ASPG: variants seen among roughly 807,000 people sequenced by gnomAD.
The protein encoded by ASPG is 60 kDa lysophospholipase.
Under a neutral mutation model 63.2 loss-of-function variants are expected in ASPG, and 53 were observed. That is an observed-to-expected ratio of 0.84 (90% confidence interval 0.67 to 1.05). The LOEUF is 1.05. Ranked by LOEUF, ASPG falls within the 50% of genes least tolerant of loss-of-function variation. The pLI, the probability that ASPG is intolerant of heterozygous loss-of-function variation, is 0.00. For synonymous variants in ASPG, 370 were observed against 355.0 expected (o/e 1.04, Z -0.48); for missense variants, 741 against 794.4 (o/e 0.93, Z 0.81).
intron 3 of ASPG, 63 bp from the exon 4 acceptor site, chr14:104,095,467 CT>C (rs1490480996): frequency 3.0e-5 from 48 of 1,603,366 alleles, no homozygotes; most frequent in Middle Eastern, 1.7e-4. Flanking sequence ...TTCCCCCATG[CT>C]GCAACCTCCC....
At chr14:104,099,672 T>C (rs1478985422) in intron 6 of ASPG, among the ~76,000 whole-genome samples, 1 of 152,226 alleles carries the variant, frequency 6.6e-6, no homozygotes, top group Non-Finnish European at 1.5e-5. Context: ...ACGGCCAGCA[T>C]GGCCAGTCCT....
chr14:104,095,732 C>T (rs950878831), intron 4 of ASPG, 76 bp downstream of exon 4: 77 of 1,577,054 alleles, frequency 4.9e-5, no homozygotes, highest in South Asian at 4.3e-4. Flanking sequence ...TGTGGGCGGC[C>T]GCTGCGGGAC....
chr14:104,105,216 G>A (rs2037068841), intron 9 of ASPG, 112 bp from the exon 10 acceptor site: 1 of 1,544,854 alleles, frequency 6.5e-7, no homozygotes. Context: ...CACGGCCGAG[G>A]CTCAGGCCAA....
At position 104,115,227 on chromosome 14, in the gene ASPG, G is replaced by C. The variant is rs1482503907; in HGVS notation, c.*2683G>C. 6.6e-6 allele frequency: 1 copy of C among 152,222 alleles called. No individual in the cohort carries two copies. Among genetic ancestry groups the C allele is most frequent in the African/African-American group, 2.4e-5 (1 of 41,454 alleles). 9.4% of individuals were successfully genotyped at this position (152,222 alleles called of 1,614,324 possible). Reference sequence around the variant, plus strand: ...GTAACCAGATTTCTCGTGTATGCTAGGAAGTTCCCCTTCTGGTCACACCTC... The same window carrying C: ...GTAACCAGATTTCTCGTGTATGCTACGAAGTTCCCCTTCTGGTCACACCTC... On this transcript the variant is annotated 3_prime_UTR_variant, in exon 16 of 16. Coordinates refer to ENST00000551177, the MANE Select transcript of ASPG (RefSeq NM_001080464.3).
chr14:104,107,387 G>C, intron 12 of ASPG, 42 bp downstream of exon 12: 1 of 1,373,900 alleles, frequency 7.3e-7, no homozygotes, highest in Non-Finnish European at 9.5e-7. Flanking sequence ...TGGACAGGTG[G>C]GCGCAGAGAG....
chr14:104,103,892 G>A (rs1455113871), intron 7 of ASPG, among the ~76,000 whole-genome samples: 2 of 152,344 alleles, frequency 1.3e-5, no homozygotes, highest in East Asian at 1.9e-4. Context: ...GTTGGGGCGC[G>A]GCTCACAGCC....
intron 6 of ASPG, among the ~76,000 whole-genome samples, chr14:104,101,872 G>C (rs2036893094): frequency 6.6e-6 from 1 of 152,206 alleles, no homozygotes; most frequent in Non-Finnish European, 1.5e-5. Context: ...CAGGGCCATA[G>C]CCCCTCTTGG....
chr14:104,087,585 A>G (rs890085344), intron 1 of ASPG, among the ~76,000 whole-genome samples: 4 of 152,180 alleles, frequency 2.6e-5, no homozygotes, highest in African/African-American at 9.6e-5. Flanking sequence ...GGAGCCCAGC[A>G]GGGCCGGAGC....
chr14:104,087,019 C>T (rs1238399569), intron 1 of ASPG, among the ~76,000 whole-genome samples: 1 of 151,954 alleles, frequency 6.6e-6, no homozygotes, highest in Non-Finnish European at 1.5e-5. Flanking sequence ...CCTGGCCACC[C>T]CTTTCTGCTG....
Position 104,097,878 on chromosome 14 carries a change from ACGTATGGAGGTTCTGCGTTAGAGATG to A in ASPG, c.513+283_513+308del, listed in dbSNP as rs1332665297. On this transcript the variant is annotated intron_variant, in intron 5 of 15. Transcript: ENST00000551177. ...CATATGGAGGTTCTACGTTAGAGAT[ACGTATGGAGGTTCTGCGTTAGAGATG>A]CGTATGGAGGTTCTGCGTTAGAGAT... is the stretch of plus-strand genomic sequence containing the variant. 6.0e-3 allele frequency among the ~76,000 whole-genome samples: 471 copies of A among 79,046 alleles called. 1 individual carries two copies. Among genetic ancestry groups the A allele is most frequent in the African/African-American group, 0.021 (425 of 20,702 alleles). 51.9% of individuals were successfully genotyped at this position (79,046 alleles called of 152,430 possible).
At position 104,110,271 on chromosome 14, in the gene ASPG, G is replaced by C; in HGVS notation, c.1520+956G>C. The stretch of plus-strand genomic sequence containing the variant: ...CGGGGGCTCGGCTCACTGGCTGGGA[G>C]GGGGTGGGTGCAGGCGCCTGCCCAG... On this transcript the variant is annotated intron_variant, in intron 13 of 15. Transcript: ENST00000551177. This position sits in a 1 kb window ranked among gnomAD's most constrained non-coding sequence, Gnocchi z 4.7. 1.0e-6 allele frequency: 1 copy of C among 985,228 alleles called. No individual in the cohort carries two copies. The highest frequency in any genetic ancestry group is 1.2e-6 in the Non-Finnish European group (1 of 829,808). The allele number at this position is 985,228 out of a possible 1,614,324, so 61.0% of individuals were successfully genotyped here.
chr14:104,105,554 G>A (rs1422118029), intron 10 of ASPG, 104 bp downstream of exon 10: 41 of 1,417,776 alleles, frequency 2.9e-5, no homozygotes, highest in East Asian at 5.1e-5. Flanking sequence ...GCCATCACTC[G>A]AGCCCAAACA....
chr14:104,088,553 T>A (rs1207774211), intron 1 of ASPG, among the ~76,000 whole-genome samples: 2 of 152,010 alleles, frequency 1.3e-5, no homozygotes, highest in Non-Finnish European at 2.9e-5. Flanking sequence ...TGAGCCCGGC[T>A]CCTTGCAGGC....
At chr14:104,108,886 G>C (rs2037264605) in intron 12 of ASPG, 16 of 985,380 alleles carry the variant, frequency 1.6e-5, no homozygotes, top group Non-Finnish European at 1.9e-5. Context: ...GGAATGGGTT[G>C]GGGAGACTGC....
rs777491987 is a variant in ASPG at position 104,098,855 on chromosome 14, C to T, written c.516C>T (p.Val172=). The T allele has an allele frequency of 6.2e-7, 1 of 1,612,892 alleles. No homozygotes were observed. ...LMAGQYVIPE[V]CLFFQNQLFR... The stretch of plus-strand genomic sequence containing the variant: ...ACTCTGTCGCTCCGTTCCCGCAGGT[C>T]TGCCTTTTCTTCCAGAATCAGCTGT... The change falls in exon 6 of 16, where the codon GTC becomes GTT. Residue 172 remains valine (V), a splice_region_variant and synonymous_variant. Coordinates refer to ENST00000551177, the MANE Select transcript of ASPG (RefSeq NM_001080464.3).
chr14:104,098,202 TTTACGTTAGAG>T (rs2036712988), intron 5 of ASPG, among the ~76,000 whole-genome samples: 1 of 152,064 alleles, frequency 6.6e-6, no homozygotes, highest in South Asian at 2.1e-4. Flanking sequence ...GTATGGAGGT[TTTACGTTAGAG>T]ATACGTATGG....
chr14:104,106,844 G>T lies in ASPG; in HGVS notation c.1219G>T (p.Ala407Ser). The stretch of plus-strand genomic sequence containing the variant: ...TGCCCTGGTGCCCAGCCTGGCCTGT[G>T]CTGCTGCCCACGCCGGTGACGTGGA... ...RNALVPSLAC[A>S]AAHAGDVEAL... Residue 407 changes from alanine to serine, a missense_variant, in exon 11 of 16, where the codon GCT (alanine) becomes TCT (serine). Transcript: ENST00000551177. 1 of 1,601,332 alleles carries T rather than the reference G, an allele frequency of 6.2e-7. No homozygotes were observed. The highest frequency in any genetic ancestry group is 8.5e-7 in the Non-Finnish European group (1 of 1,175,674).
At chr14:104,090,577 C>G (rs1357748318) in intron 1 of ASPG, among the ~76,000 whole-genome samples, 1 of 152,240 alleles carries the variant, frequency 6.6e-6, no homozygotes, top group Non-Finnish European at 1.5e-5. Context: ...CCTGCCACCT[C>G]CAGTGTCTGG....
rs1271295213 is a variant in ASPG, at chr14:104,107,155, G to A, written c.1270-27G>A. The A allele has an allele frequency of 3.9e-6, 6 of 1,533,882 alleles. No homozygotes were observed. The African/African-American group carries it at 4.1e-5, about 11-fold the overall frequency. Reference sequence around the variant, plus strand: ...CTGGCCCCGCCTGGGTCTCCCTCAGGGGTCGCATGTCCTTGTGTTACTCCA... The same window carrying A: ...CTGGCCCCGCCTGGGTCTCCCTCAGAGGTCGCATGTCCTTGTGTTACTCCA... On this transcript the variant is annotated intron_variant, in intron 11 of 15. Coordinates refer to ENST00000551177, the MANE Select transcript of ASPG (RefSeq NM_001080464.3).
Sources: allele counts gnomAD v4.1 joint callset (sites outside exome capture counted in the v4.1 genomes callset), GRCh38; gene constraint gnomAD v4.1.1; non-coding constraint Gnocchi (gnomAD v3.1); transcripts MANE v1.5; gene names NCBI Gene and HGNC (gene_info 2026-07-23, HGNC 2026-07-21).